RBM6: variants seen among roughly 807,000 people sequenced by gnomAD.
RBM6 encodes the protein RNA-binding protein 6.
RBM6 carries 23 observed loss-of-function variants against 140.4 expected under a neutral mutation model. The ratio of observed to expected loss-of-function variants is 0.16; its 90% CI spans 0.12 to 0.23. The LOEUF (loss-of-function observed/expected upper bound fraction) is 0.23, where lower values mean the gene tolerates loss of function less well. RBM6 is among the 10% of genes least tolerant of loss of function. The pLI is 1.00. For missense variants in RBM6, 1,139 were observed against 1,386.7 expected (o/e 0.82, Z 2.84); for synonymous variants, 439 against 475.6 (o/e 0.92, Z 1.00).
chr3:49,966,744 T>C (rs1320245044), intron 2 of RBM6, among the ~76,000 whole-genome samples: 2 of 152,062 alleles, frequency 1.3e-5, no homozygotes, highest in African/African-American at 4.8e-5. Flanking sequence ...ATACATGCTT[T>C]GTGGCATGAT....
intron 6 of RBM6, among the ~76,000 whole-genome samples, chr3:50,025,956 T>G (rs1411993954): frequency 1.3e-5 from 2 of 152,110 alleles, no homozygotes; most frequent in African/African-American, 2.4e-5. Context: ...TAGCTGGGTG[T>G]GGTGGCAGAC....
chr3:50,032,535 G>A (rs1409306405), intron 6 of RBM6, among the ~76,000 whole-genome samples: 1 of 149,940 alleles, frequency 6.7e-6, no homozygotes, highest in African/African-American at 2.5e-5. Context: ...AGAGCAAATA[G>A]ACATTGGGAG....
chr3:49,946,726 G>A (rs1339673174), intron 1 of RBM6, among the ~76,000 whole-genome samples: 1 of 147,710 alleles, frequency 6.8e-6, no homozygotes, highest in Non-Finnish European at 1.5e-5. Flanking sequence ...GTAGAGACAG[G>A]GTTTCACCAT....
At chr3:50,060,675 A>C in intron 11 of RBM6, 70 of 241,494 alleles carry the variant, frequency 2.9e-4, no homozygotes, top group East Asian at 1.0e-3. Context: ...AATGGTGTGA[A>C]CCCAGGAGGC....
chr3:50,036,224 T>A (rs1482923480), intron 6 of RBM6, among the ~76,000 whole-genome samples: 1 of 152,228 alleles, frequency 6.6e-6, no homozygotes, highest in Non-Finnish European at 1.5e-5. Context: ...TATTTTCTTT[T>A]TATAGCCTAC....
chr3:50,008,546 CTTTTTTTTTTTT>C (rs5848909), intron 6 of RBM6, among the ~76,000 whole-genome samples: 4 of 73,694 alleles, frequency 5.4e-5, no homozygotes, highest in Non-Finnish European at 7.2e-5. Flanking sequence ...TCTTTTGTAA[CTTTTTTTTTTTT>C]TTTTTTTTTT....
intron 1 of RBM6, among the ~76,000 whole-genome samples, chr3:49,951,335 C>T (rs1184127848): frequency 1.3e-5 from 2 of 151,754 alleles, no homozygotes; most frequent in African/African-American, 4.8e-5. Flanking sequence ...ACCTCAGCGT[C>T]CTCAGTAGCT....
intron 1 of RBM6, among the ~76,000 whole-genome samples, chr3:49,949,425 C>T (rs1384271077): frequency 6.6e-6 from 1 of 152,034 alleles, no homozygotes; most frequent in Non-Finnish European, 1.5e-5. Flanking sequence ...CGGAGTCTCA[C>T]TCTGTCCCCG....
intron 1 of RBM6, among the ~76,000 whole-genome samples, chr3:49,953,488 G>A: frequency 6.6e-6 from 1 of 150,936 alleles, no homozygotes; most frequent in East Asian, 2.0e-4. Context: ...AAAGTGCTGG[G>A]ATTACAGGTG....
At chr3:50,046,522 T>G (rs2089232297) in intron 6 of RBM6, among the ~76,000 whole-genome samples, 1 of 145,050 alleles carries the variant, frequency 6.9e-6, no homozygotes, top group South Asian at 2.1e-4. Flanking sequence ...GAGGTTGCAG[T>G]GAGCCGAGAT....
At position 50,043,340 on chromosome 3, in the gene RBM6, C is replaced by T. The variant is rs111382624; in HGVS notation, c.1558-4905C>T. On this transcript the variant is annotated intron_variant, in intron 6 of 20. Transcript: ENST00000266022. ...TCTACTAAAAATACAAAAATTATCC[C>T]GGTGTAGTGGCGCACACCTGTAATC... 3.9e-3 allele frequency among the ~76,000 whole-genome samples: 591 copies of T among 151,562 alleles called. 4 individuals are homozygous for T. Among genetic ancestry groups the T allele is most frequent in the African/African-American group, 0.014 (573 of 41,338 alleles).
chr3:50,071,304 A>G (rs902688739), intron 19 of RBM6, among the ~76,000 whole-genome samples: 2 of 152,220 alleles, frequency 1.3e-5, no homozygotes, highest in Non-Finnish European at 2.9e-5. Context: ...AGGCCAGTTC[A>G]TGAAGTTTAA....
chr3:49,995,363 C>T (rs2086035807), intron 5 of RBM6, among the ~76,000 whole-genome samples: 1 of 152,084 alleles, frequency 6.6e-6, no homozygotes, highest in South Asian at 2.1e-4. Context: ...CGAGACCAGC[C>T]TGGCCAACGT....
At chr3:50,050,272 C>T (rs9756201) in intron 7 of RBM6, among the ~76,000 whole-genome samples, 4,872 of 152,220 alleles carry the variant, frequency 0.032, 276 homozygotes, top group African/African-American at 0.11. Context: ...TTTTCTATCT[C>T]CATGGATTTG....
At chr3:50,034,984 C>G (rs953732841) in intron 6 of RBM6, among the ~76,000 whole-genome samples, 2 of 125,860 alleles carry the variant, frequency 1.6e-5, no homozygotes, top group Non-Finnish European at 3.4e-5. Flanking sequence ...CCTCTCCTCT[C>G]CTCTCCTCTT....
chr3:49,993,702 T>TA lies in RBM6; in HGVS notation c.1484-5738_1484-5737insA, dbSNP rs1201488744. 8.1e-5 allele frequency among the ~76,000 whole-genome samples: 12 copies of TA among 147,482 alleles called. No homozygotes were observed. In the South Asian group the frequency reaches 1.1e-3, roughly 13 times the overall value. ...TATATCTTCCTTTTTTCATTTTTCTTTAAAAAAAAAAACAACCCTTGTATG... is the reference window on the plus strand; with the variant it reads ...TATATCTTCCTTTTTTCATTTTTCTTATAAAAAAAAAAACAACCCTTGTATG... On this transcript the variant is annotated intron_variant, in intron 5 of 20. Coordinates refer to ENST00000266022, the MANE Select transcript of RBM6 (RefSeq NM_005777.3).
chr3:50,014,065 G>T (rs1298367970), intron 6 of RBM6, among the ~76,000 whole-genome samples: 1 of 152,194 alleles, frequency 6.6e-6, no homozygotes, highest in Non-Finnish European at 1.5e-5. Context: ...AAATACTGGT[G>T]TAAGGAGACA....
chr3:49,960,641 C>T (rs1015159229), intron 1 of RBM6, among the ~76,000 whole-genome samples: 2 of 152,122 alleles, frequency 1.3e-5, no homozygotes, highest in Non-Finnish European at 2.9e-5. Flanking sequence ...TTTTCAGTAG[C>T]TATAACAAAG....
At chr3:49,956,926 A>G (rs1322788888) in intron 1 of RBM6, among the ~76,000 whole-genome samples, 1 of 152,084 alleles carries the variant, frequency 6.6e-6, no homozygotes, top group African/African-American at 2.4e-5. Flanking sequence ...CGGCCTCCCA[A>G]AGTGCTGGGA....
Sources: allele counts gnomAD v4.1 joint callset (sites outside exome capture counted in the v4.1 genomes callset), GRCh38; gene constraint gnomAD v4.1.1; transcripts MANE v1.5; gene names NCBI Gene and HGNC (gene_info 2026-07-23, HGNC 2026-07-21).